ARHGAP24: variants seen among roughly 807,000 people sequenced by gnomAD.
The protein encoded by ARHGAP24 is Rho GTPase activating protein 24.
Under a neutral mutation model 76.4 loss-of-function variants are expected in ARHGAP24, and 50 were observed. The observed-to-expected ratio is 0.65, with a 90% CI of 0.52 to 0.83. ARHGAP24 has a LOEUF of 0.83. ARHGAP24 is among the 40% of genes least tolerant of loss of function. The probability of loss-of-function intolerance (pLI) is 0.00; values close to 1 mark genes in which losing one functional copy is unlikely to be tolerated. For synonymous variants in ARHGAP24, 345 were observed against 323.3 expected, an observed-to-expected ratio of 1.07 and a Z score of -0.72; for missense variants, 930 against 914.2, an observed-to-expected ratio of 1.02 and a Z score of -0.22.
chr4:85,745,015 A>G lies in ARHGAP24; in HGVS notation c.268+23043A>G, dbSNP rs72976704. 7.1e-3 allele frequency among the ~76,000 whole-genome samples: 1,086 copies of G among 152,260 alleles called. 14 individuals are homozygous for G. The highest frequency in any genetic ancestry group is 0.024 in the African/African-American group (983 of 41,544). ...TAATCCAGTCTCAATGCTCTCCACTATTAATTCCAAACAATGTTTAAATAT... is the reference window on the plus strand; with the variant it reads ...TAATCCAGTCTCAATGCTCTCCACTGTTAATTCCAAACAATGTTTAAATAT... On this transcript the variant is annotated intron_variant, in intron 3 of 9. Transcript: ENST00000395184.
At chr4:85,839,353 T>C (rs1422515301) in intron 3 of ARHGAP24, among the ~76,000 whole-genome samples, 2 of 152,244 alleles carry the variant, frequency 1.3e-5, no homozygotes, top group Admixed American at 1.3e-4. Context: ...ACACTGATCA[T>C]CCAAACTTGA....
chr4:85,886,380 C>T (rs1161071787), intron 3 of ARHGAP24, among the ~76,000 whole-genome samples: 1 of 152,078 alleles, frequency 6.6e-6, no homozygotes, highest in Non-Finnish European at 1.5e-5. Context: ...TCAGTTATCA[C>T]CCTGCCTCCA....
intron 1 of ARHGAP24, among the ~76,000 whole-genome samples, chr4:85,526,041 A>G (rs1362903122): frequency 6.6e-6 from 1 of 152,144 alleles, no homozygotes; most frequent in Non-Finnish European, 1.5e-5. Context: ...AATGGACCTA[A>G]TAAATTCAGA....
chr4:85,706,859 C>G lies in ARHGAP24; in HGVS notation c.181-15026C>G, dbSNP rs554296368. On this transcript the variant is annotated intron_variant, in intron 2 of 9. Transcript: ENST00000395184. ...GATTATAGGCGTGAGCCACTGCACCCAGCCAAAAAGATGTATTTTTGAGAT... is the reference window on the plus strand; with the variant it reads ...GATTATAGGCGTGAGCCACTGCACCGAGCCAAAAAGATGTATTTTTGAGAT... 2.6e-5 allele frequency among the ~76,000 whole-genome samples: 4 copies of G among 152,196 alleles called. No homozygotes were observed. In the East Asian group the frequency reaches 7.7e-4, roughly 29 times the overall value.
At position 86,001,000 on chromosome 4, in the gene ARHGAP24, T is replaced by C. The variant is rs1049859797; in HGVS notation, c.*278T>C. 17 of 513,888 alleles carry C rather than the reference T, an allele frequency of 3.3e-5. No individual in the cohort carries two copies. Among genetic ancestry groups the C allele is most frequent in the Non-Finnish European group, 4.1e-5 (12 of 294,476 alleles). The allele number at this position is 513,888 out of a possible 1,614,324, so 31.8% of individuals were successfully genotyped here. On this transcript the variant is annotated 3_prime_UTR_variant, in exon 10 of 10. Transcript: ENST00000395184. ...GAGAAGCATATTTCAAGAATTATTT[T>C]ATTGCAAGTCTTGTATTTAAATGTT... is the stretch of plus-strand genomic sequence containing the variant.
At chr4:85,612,971 AT>A (rs1720446655) in intron 2 of ARHGAP24, among the ~76,000 whole-genome samples, 1 of 151,118 alleles carries the variant, frequency 6.6e-6, no homozygotes, top group South Asian at 2.1e-4. Flanking sequence ...TAATTTTTGT[AT>A]TTTTTTGTAG....
chr4:85,754,085 T>C lies in ARHGAP24; in HGVS notation c.268+32113T>C, dbSNP rs150817582. 3.2e-3 allele frequency among the ~76,000 whole-genome samples: 490 copies of C among 152,310 alleles called. 3 individuals carry two copies. The highest frequency in any genetic ancestry group is 0.011 in the African/African-American group (471 of 41,578). On this transcript the variant is annotated intron_variant, in intron 3 of 9. Transcript: ENST00000395184. The stretch of plus-strand genomic sequence containing the variant: ...ATCTTCCTCTCCCCACTTTCCTTCC[T>C]GGCCTCTGGTAACCACCCAGCCTCT...
intron 3 of ARHGAP24, among the ~76,000 whole-genome samples, chr4:85,745,050 G>A (rs901042396): frequency 6.6e-6 from 1 of 152,044 alleles, no homozygotes; most frequent in African/African-American, 2.4e-5. Context: ...TGAGTGTGAG[G>A]TTAAAGCAAG....
At chr4:85,653,190 A>ATCT (rs1722010465) in intron 2 of ARHGAP24, among the ~76,000 whole-genome samples, 1 of 152,184 alleles carries the variant, frequency 6.6e-6, no homozygotes, top group South Asian at 2.1e-4. Flanking sequence ...GATCTTGGGG[A>ATCT]TCTTCTATTA....
At chr4:85,869,730 C>T (rs1315869561) in intron 3 of ARHGAP24, among the ~76,000 whole-genome samples, 1 of 152,114 alleles carries the variant, frequency 6.6e-6, no homozygotes, top group Non-Finnish European at 1.5e-5. Context: ...TTGTTAAAGG[C>T]ACTGATTATA....
At chr4:85,494,428 T>G (rs1723477729) in intron 1 of ARHGAP24, among the ~76,000 whole-genome samples, 1 of 152,164 alleles carries the variant, frequency 6.6e-6, no homozygotes, top group East Asian at 1.9e-4. Flanking sequence ...TTTTTTTTAC[T>G]CTTTTAATAT....
chr4:85,902,732 T>C (rs1734570527), intron 3 of ARHGAP24, among the ~76,000 whole-genome samples: 1 of 152,208 alleles, frequency 6.6e-6, no homozygotes, highest in Non-Finnish European at 1.5e-5. Flanking sequence ...GCCTCCTAAG[T>C]AGCTGGGATT....
In ARHGAP24 at chr4:85,771,641, A is replaced by G. The variant is rs558099745; in HGVS notation, c.268+49669A>G. ...AACCATCACAGCCCATTATCTGTGA[A>G]TGTCTTCTAAAAGAGAAGCCTCAAC... On this transcript the variant is annotated intron_variant, in intron 3 of 9. Transcript: ENST00000395184. Among the ~76,000 whole-genome samples, 7 of 152,316 alleles carry G rather than the reference A, an allele frequency of 4.6e-5. No individual in the cohort carries two copies. The South Asian group carries it at 1.4e-3, about 32-fold the overall frequency.
chr4:85,682,355 A>T (rs906433173), intron 2 of ARHGAP24, among the ~76,000 whole-genome samples: 1 of 152,240 alleles, frequency 6.6e-6, no homozygotes, highest in African/African-American at 2.4e-5. Context: ...AAAGTATCTT[A>T]TTTGAATGAG....
At chr4:85,867,896 TACATATATATATACATATATGTAC>T (rs1732286037) in intron 3 of ARHGAP24, among the ~76,000 whole-genome samples, 1 of 11,594 alleles carries the variant, frequency 8.6e-5, no homozygotes, top group South Asian at 0.033. Context: ...TGTGTGTGTG[TACATATATATATACATATATGTAC>T]ACACACACAA....
rs888925879 is a variant in ARHGAP24 at position 85,492,997 on chromosome 4, T to A, written c.-21+17438T>A. Among the ~76,000 whole-genome samples the A allele has an allele frequency of 6.2e-4, 95 of 152,334 alleles. 1 individual carries two copies. The highest frequency in any genetic ancestry group is 2.3e-3 in the African/African-American group (94 of 41,590). On this transcript the variant is annotated intron_variant, in intron 1 of 9. Transcript: ENST00000395184. Reference sequence around the variant, plus strand: ...GTATCTTACGAGATCTTGACACTTTTGAAGTCTAGTGACCAGGTATTTTGG... The same window carrying A: ...GTATCTTACGAGATCTTGACACTTTAGAAGTCTAGTGACCAGGTATTTTGG...
At chr4:85,962,554 CTTG>C (rs1738322119) in intron 5 of ARHGAP24, among the ~76,000 whole-genome samples, 1 of 151,974 alleles carries the variant, frequency 6.6e-6, no homozygotes, top group South Asian at 2.1e-4. Context: ...AATGTGTTTT[CTTG>C]TTGTGTCTCT....
chr4:85,525,864 C>T (rs1289485370), intron 1 of ARHGAP24, among the ~76,000 whole-genome samples: 1 of 152,088 alleles, frequency 6.6e-6, no homozygotes, highest in African/African-American at 2.4e-5. Flanking sequence ...GAATGTTCTC[C>T]TTGTTGCTAT....
At chr4:85,972,310 C>A in intron 6 of ARHGAP24, 142 bp downstream of exon 6, 3 of 1,065,730 alleles carry the variant, frequency 2.8e-6, no homozygotes, top group Non-Finnish European at 4.1e-6. Flanking sequence ...CACACTGAGA[C>A]TTTCCGTATA....
Sources: allele counts gnomAD v4.1 joint callset (sites outside exome capture counted in the v4.1 genomes callset), GRCh38; gene constraint gnomAD v4.1.1; transcripts MANE v1.5; gene names NCBI Gene and HGNC (gene_info 2026-07-23, HGNC 2026-07-21).